Variants in CAST observed in about 807,000 individuals in gnomAD.
CAST encodes the protein calpastatin, also known as MIR583 host.
CAST carries 76 observed loss-of-function variants against 119.6 expected under a neutral mutation model. That is an observed-to-expected ratio of 0.64 (90% CI 0.53 to 0.77). CAST has a LOEUF of 0.77. CAST is among the 30% of genes least tolerant of loss of function. CAST has a pLI of 0.00. For synonymous variants in CAST, 319 were observed against 331.6 expected, an observed-to-expected ratio of 0.96 and a Z score of 0.41; for missense variants, 953 against 946.5, an observed-to-expected ratio of 1.01 and a Z score of -0.09.
chr5:96,679,082 T>G (rs1437087427), intron 2 of CAST, among the ~76,000 whole-genome samples: 3 of 151,510 alleles, frequency 2.0e-5, no homozygotes, highest in African/African-American at 7.3e-5. Flanking sequence ...TCACCGCAGC[T>G]TTGACCTCCC....
the CAST span, among the ~76,000 whole-genome samples, chr5:96,123,428 G>A: frequency 6.6e-6 from 1 of 152,088 alleles, no homozygotes; most frequent in Admixed American, 6.6e-5. Flanking sequence ...CTTCCTGAAG[G>A]CTTGTTGATT....
chr5:96,031,252 GA>G, the CAST span, among the ~76,000 whole-genome samples: 1 of 144,962 alleles, frequency 6.9e-6, no homozygotes, highest in Admixed American at 6.8e-5. Flanking sequence ...AAAAAAAAAG[GA>G]AAAATGTCTA....
At chr5:96,075,276 T>G in the CAST span, among the ~76,000 whole-genome samples, 1 of 152,230 alleles carries the variant, frequency 6.6e-6, no homozygotes, top group Non-Finnish European at 1.5e-5. Flanking sequence ...AGATGAAATG[T>G]AAGGCTTTAC....
intron 1 of CAST, among the ~76,000 whole-genome samples, chr5:96,561,339 A>G (rs1746355387): frequency 6.7e-6 from 1 of 149,896 alleles, no homozygotes; most frequent in South Asian, 2.1e-4. Context: ...CACGTACCCT[A>G]AAACTTAAAG....
At chr5:96,658,326 A>G (rs1748192402), upstream of CAST, among the ~76,000 whole-genome samples, 2 of 152,084 alleles carry the variant, frequency 1.3e-5, no homozygotes, top group Non-Finnish European at 2.9e-5. Flanking sequence ...AAAGAAGCAA[A>G]CCAAAAAGAA....
intron 1 of CAST, among the ~76,000 whole-genome samples, chr5:96,531,447 T>C (rs1248371706): frequency 2.1e-5 from 3 of 141,424 alleles, no homozygotes; most frequent in Non-Finnish European, 4.7e-5. Flanking sequence ...AAATCCTCCA[T>C]AGAAACTGAG....
chr5:96,637,132 C>T (rs1481446285), intron 1 of CAST, among the ~76,000 whole-genome samples: 2 of 152,240 alleles, frequency 1.3e-5, no homozygotes, highest in African/African-American at 4.8e-5. Flanking sequence ...CCAATTACGT[C>T]TTAGGTCAGC....
chr5:96,411,019 TATC>T, the CAST span: 1 of 1,450,360 alleles, frequency 6.9e-7, no homozygotes, highest in East Asian at 2.3e-5. Flanking sequence ...TATTATCTGT[TATC>T]ATCTATTGGG....
the CAST span, among the ~76,000 whole-genome samples, chr5:96,223,254 G>A: frequency 6.6e-6 from 1 of 152,124 alleles, no homozygotes. Context: ...ATGTTTCAAA[G>A]TAGAGAGATG....
rs27582 is a variant in CAST at position 96,762,510 on chromosome 5, G to A, written c.1932+138G>A. ...AGGCACCTTCTATTTCAGAAGAGCCGAGACTGATGATTTAGCGAGATGGCA... is the reference window on the plus strand; with the variant it reads ...AGGCACCTTCTATTTCAGAAGAGCCAAGACTGATGATTTAGCGAGATGGCA... On this transcript the variant is annotated intron_variant, in intron 25 of 31. Coordinates refer to ENST00000675179, the MANE Select transcript of CAST (RefSeq NM_001750.7). The A allele has an allele frequency of 0.36, 202,657 of 558,992 alleles. 38,508 individuals carry two copies. Among genetic ancestry groups the A allele is most frequent in the East Asian group, 0.58 (19,541 of 33,482 alleles). The allele number at this position is 558,992 out of a possible 1,614,324, so 34.6% of individuals were successfully genotyped here.
the CAST span, among the ~76,000 whole-genome samples, chr5:96,488,563 A>T: frequency 3.3e-5 from 5 of 152,228 alleles, no homozygotes; most frequent in Admixed American, 2.6e-4. Context: ...TCGTGTAGCT[A>T]GTGAGATGTA....
At chr5:96,225,378 C>T in the CAST span, among the ~76,000 whole-genome samples, 10 of 151,904 alleles carry the variant, frequency 6.6e-5, no homozygotes, top group Middle Eastern at 3.4e-3. Flanking sequence ...GTGTTCAAGA[C>T]GGTGTGTAAA....
the CAST span, among the ~76,000 whole-genome samples, chr5:96,187,769 C>T: frequency 8.5e-5 from 13 of 152,254 alleles, no homozygotes; most frequent in Non-Finnish European, 1.2e-4. Context: ...TCGAGGCTAC[C>T]GAGCTTAAAA....
At chr5:96,401,471 C>T in the CAST span, among the ~76,000 whole-genome samples, 1 of 152,148 alleles carries the variant, frequency 6.6e-6, no homozygotes, top group East Asian at 1.9e-4. Context: ...ATCTTTTGGG[C>T]AGTGGGAATC....
At chr5:96,344,901 C>T in the CAST span, among the ~76,000 whole-genome samples, 1 of 152,102 alleles carries the variant, frequency 6.6e-6, no homozygotes, top group Non-Finnish European at 1.5e-5. Context: ...TGGTTAAGTA[C>T]AGAATACCGT....
At chr5:96,594,367 T>A (rs2150192445) in intron 1 of CAST, among the ~76,000 whole-genome samples, 1 of 152,332 alleles carries the variant, frequency 6.6e-6, no homozygotes, top group East Asian at 1.9e-4. Flanking sequence ...TGCATGAATG[T>A]CAAGATGTAA....
chr5:96,286,192 C>T, the CAST span, among the ~76,000 whole-genome samples: 1 of 152,200 alleles, frequency 6.6e-6, no homozygotes, highest in East Asian at 1.9e-4. Context: ...ATACTCATTC[C>T]ATTAAGCTGG....
At chr5:96,414,811 A>AT in the CAST span, among the ~76,000 whole-genome samples, 4 of 152,074 alleles carry the variant, frequency 2.6e-5, no homozygotes, top group African/African-American at 7.2e-5. Flanking sequence ...TTCTCCCTTC[A>AT]TTTTTTTTAA....
chr5:96,284,127 G>A, the CAST span, among the ~76,000 whole-genome samples: 1 of 151,896 alleles, frequency 6.6e-6, no homozygotes, highest in Non-Finnish European at 1.5e-5. Context: ...GTTTCACAGA[G>A]GAAAAAAGGA....
Sources: allele counts gnomAD v4.1 joint callset (sites outside exome capture counted in the v4.1 genomes callset), GRCh38; gene constraint gnomAD v4.1.1; transcripts MANE v1.5; gene names NCBI Gene and HGNC (gene_info 2026-07-23, HGNC 2026-07-21).